Variants in VCL observed in about 807,000 individuals in gnomAD.
VCL encodes the protein vinculin.
A neutral mutation model predicts 125.7 loss-of-function variants in VCL; 47 were observed. The ratio of observed to expected loss-of-function variants is 0.37; its 90% CI spans 0.30 to 0.48. The LOEUF is 0.48. VCL is among the 20% of genes least tolerant of loss of function. The pLI is 0.99. For missense variants in VCL, 1,069 were observed against 1,455.5 expected (o/e 0.73, Z 4.32); for synonymous variants, 458 against 514.6 (o/e 0.89, Z 1.49).
At chr10:74,082,250 T>G (rs1839688060) in intron 6 of VCL, among the ~76,000 whole-genome samples, 1 of 152,126 alleles carries the variant, frequency 6.6e-6, no homozygotes, top group Non-Finnish European at 1.5e-5. Context: ...AGCAACAGAG[T>G]AGAATTAACT....
intron 1 of VCL, among the ~76,000 whole-genome samples, chr10:74,020,282 G>T (rs1420610347): frequency 6.6e-6 from 1 of 152,116 alleles, no homozygotes; most frequent in Non-Finnish European, 1.5e-5. Context: ...AAATCTAAAA[G>T]ATCTCATCAA....
intron 2 of VCL, among the ~76,000 whole-genome samples, chr10:74,068,678 C>T (rs1308970556): frequency 1.3e-5 from 2 of 152,070 alleles, no homozygotes; most frequent in Admixed American, 6.6e-5. Flanking sequence ...CAGAATGCAG[C>T]GAGTGACCAT....
chr10:74,093,025 G>A (rs1364671415), intron 10 of VCL, among the ~76,000 whole-genome samples: 2 of 152,118 alleles, frequency 1.3e-5, no homozygotes, highest in Non-Finnish European at 2.9e-5. Flanking sequence ...GGCTGGGCAC[G>A]GTGGCTCACG....
At chr10:74,006,360 A>T (rs957858251) in intron 1 of VCL, among the ~76,000 whole-genome samples, 1 of 152,236 alleles carries the variant, frequency 6.6e-6, no homozygotes, top group Admixed American at 6.5e-5. Flanking sequence ...TTTTATAAAT[A>T]GAGCTGGTAT....
At chr10:74,095,090 C>T (rs1294560781) in intron 11 of VCL, among the ~76,000 whole-genome samples, 1 of 152,150 alleles carries the variant, frequency 6.6e-6, no homozygotes, top group Non-Finnish European at 1.5e-5. Flanking sequence ...AAACAAAGTT[C>T]ATACCCATTG....
chr10:74,081,288 G>T (rs1839670378), intron 6 of VCL, among the ~76,000 whole-genome samples: 1 of 152,174 alleles, frequency 6.6e-6, no homozygotes, highest in South Asian at 2.1e-4. Flanking sequence ...TGAATAGGGG[G>T]CTTTGGAACA....
At chr10:74,000,943 T>C (rs1840214145) in intron 1 of VCL, among the ~76,000 whole-genome samples, 1 of 152,216 alleles carries the variant, frequency 6.6e-6, no homozygotes, top group Non-Finnish European at 1.5e-5. Context: ...TGCTGATAAA[T>C]AGTTAATCAT....
chr10:74,023,408 C>G (rs1045356780), intron 1 of VCL, among the ~76,000 whole-genome samples: 3 of 152,298 alleles, frequency 2.0e-5, no homozygotes, highest in Admixed American at 2.0e-4. Flanking sequence ...GATGTTCACA[C>G]AATGACAAAA....
intron 12 of VCL, among the ~76,000 whole-genome samples, chr10:74,096,576 A>G (rs79508244): frequency 0.025 from 3,850 of 152,306 alleles, 61 homozygotes; most frequent in Non-Finnish European, 0.04. Flanking sequence ...CTTTGTATAT[A>G]TCCAGAAAAC....
chr10:74,084,371 A>G (rs571902157), intron 8 of VCL, among the ~76,000 whole-genome samples: 11 of 151,906 alleles, frequency 7.2e-5, no homozygotes, highest in Non-Finnish European at 1.3e-4. Context: ...GGCTCACTGC[A>G]ACCCCTGCCT....
chr10:74,032,717 T>A lies in VCL; in HGVS notation c.169-10366T>A, dbSNP rs1453417919. On this transcript the variant is annotated intron_variant, in intron 1 of 21. Coordinates refer to ENST00000211998, the MANE Select transcript of VCL (RefSeq NM_014000.3). Reference sequence around the variant, plus strand: ...TCGGTCTCAAAAAAAAAAATATATATATATATATATATATTGGCAAGGTAT... The same window carrying A: ...TCGGTCTCAAAAAAAAAAATATATAAATATATATATATATTGGCAAGGTAT... Among the ~76,000 whole-genome samples the A allele has an allele frequency of 1.1e-3, 159 of 148,158 alleles. 1 individual carries two copies. Among genetic ancestry groups the A allele is most frequent in the African/African-American group, 1.6e-3 (66 of 40,418 alleles).
chr10:74,105,912 CTTT>C (rs34837874), intron 16 of VCL, among the ~76,000 whole-genome samples: 905 of 70,082 alleles, frequency 0.013, 34 homozygotes, highest in African/African-American at 0.048. Context: ...AACCTCTGCG[CTTT>C]TTTTTTTTTT....
chr10:74,087,168 C>T (rs1297232300), intron 8 of VCL, among the ~76,000 whole-genome samples: 1 of 151,970 alleles, frequency 6.6e-6, no homozygotes, highest in Non-Finnish European at 1.5e-5. Flanking sequence ...TCCTAAAAGT[C>T]TTCCCCTCTT....
At chr10:74,098,179 C>T (rs1404619411) in intron 13 of VCL, among the ~76,000 whole-genome samples, 2 of 152,152 alleles carry the variant, frequency 1.3e-5, no homozygotes, top group Non-Finnish European at 2.9e-5. Context: ...ATGTTCTAAT[C>T]TTGGGGCCTT....
At chr10:74,025,456 A>G (rs1188402584) in intron 1 of VCL, among the ~76,000 whole-genome samples, 3 of 151,942 alleles carry the variant, frequency 2.0e-5, no homozygotes, top group African/African-American at 7.3e-5. Context: ...TCTACTGAAA[A>G]TACAAAAATT....
intron 1 of VCL, among the ~76,000 whole-genome samples, chr10:74,020,063 C>CAAAAAAAAAAAAAAAAAAAAA (rs894179907): frequency 8.6e-6 from 1 of 116,696 alleles, no homozygotes; most frequent in African/African-American, 3.2e-5. Flanking sequence ...AACTCCGTCT[C>CAAAAAAAAAAAAAAAAAAAAA]AAAAAAAAAA....
chr10:74,090,750 C>T (rs1002671221), intron 10 of VCL, among the ~76,000 whole-genome samples: 1 of 152,006 alleles, frequency 6.6e-6, no homozygotes, highest in Non-Finnish European at 1.5e-5. Context: ...TCTCTCATGG[C>T]ACCTACTTTG....
intron 1 of VCL, among the ~76,000 whole-genome samples, chr10:74,000,070 T>C (rs1327227467): frequency 6.6e-6 from 1 of 151,874 alleles, no homozygotes. Flanking sequence ...GATATCTGGT[T>C]AGGCTATTTA....
intron 14 of VCL, among the ~76,000 whole-genome samples, chr10:74,101,549 T>G (rs1022533472): frequency 2.9e-5 from 4 of 138,146 alleles, no homozygotes; most frequent in Non-Finnish European, 6.3e-5. Context: ...TTAGTTTTTT[T>G]TTTTTTTTTT....
Sources: gnomAD v4.1 joint callset for allele counts (sites outside exome capture counted in the v4.1 genomes callset) on GRCh38, gnomAD v4.1.1 for gene constraint, MANE v1.5 for transcripts, NCBI Gene and HGNC (gene_info 2026-07-23, HGNC 2026-07-21) for gene names.